The following ZNF662 variants were observed in gnomAD, a reference collection of about 807,000 sequenced individuals.
ZNF662 encodes zinc finger protein 662.
ZNF662 carries 14 observed loss-of-function variants against 12.4 expected under a neutral mutation model. That is an observed-to-expected ratio of 1.13 (90% confidence interval 0.75 to 1.77). The LOEUF (loss-of-function observed/expected upper bound fraction) is 1.77, where lower values mean the gene tolerates loss of function less well. Ranked by LOEUF, ZNF662 falls within the 40% of genes most tolerant of loss-of-function variation. The pLI, the probability that ZNF662 is intolerant of heterozygous loss-of-function variation, is 0.00. For missense variants in ZNF662, 550 were observed against 515.6 expected, an observed-to-expected ratio of 1.07 and a Z score of -0.65; for synonymous variants, 184 against 176.4, an observed-to-expected ratio of 1.04 and a Z score of -0.34.
At position 42,906,715 on chromosome 3, in the gene ZNF662, C is replaced by G. The variant is rs1448451295; in HGVS notation, c.-94+547C>G. Among the ~76,000 whole-genome samples, 1 of 152,162 alleles carries G rather than the reference C, an allele frequency of 6.6e-6. No individual in the cohort carries two copies. The highest frequency in any genetic ancestry group is 1.5e-5 in the Non-Finnish European group (1 of 68,044). ...GAATTTCAGAGCTGCCTTTACAGAG[C>G]TGGTTATGTTTGAGCTGGGTATTAG... On this transcript the variant is annotated intron_variant, in intron 1 of 4. Coordinates refer to ENST00000440367, the MANE Select transcript of ZNF662 (RefSeq NM_207404.4). This position sits in a 1 kb window ranked among gnomAD's most constrained non-coding sequence, Gnocchi z 4.4.
Position 42,910,623 on chromosome 3 carries a change from C to T in ZNF662, c.151+1714C>T, listed in dbSNP as rs555890041. ...AAACCAAGAACTCTCAACCCTCAGC[C>T]AGATAGTTCCTATTCCTCAGGGGAA... On this transcript the variant is annotated intron_variant, in intron 3 of 4. Coordinates refer to ENST00000440367, the MANE Select transcript of ZNF662 (RefSeq NM_207404.4). Among the ~76,000 whole-genome samples the T allele has an allele frequency of 3.0e-4, 46 of 152,274 alleles. No individual in the cohort carries two copies. The South Asian group carries it at 9.1e-3, about 30-fold the overall frequency.
intron 1 of ZNF662, 137 bp from the exon 2 acceptor site, chr3:42,907,885 C>A: frequency 7.2e-7 from 1 of 1,396,994 alleles, no homozygotes. Flanking sequence ...AAATCTTCTG[C>A]TGATAGAGTT....
At position 42,915,697 on chromosome 3, in the gene ZNF662, G is replaced by C; in HGVS notation, c.*343G>C. The C allele has an allele frequency of 4.9e-6, 1 of 202,232 alleles. No individual in the cohort carries two copies. Among genetic ancestry groups the C allele is most frequent in the Non-Finnish European group, 1.0e-5 (1 of 98,794 alleles). 12.5% of individuals were successfully genotyped at this position (202,232 alleles called of 1,614,324 possible). On this transcript the variant is annotated 3_prime_UTR_variant, in exon 5 of 5. Coordinates refer to ENST00000440367, the MANE Select transcript of ZNF662 (RefSeq NM_207404.4). Reference sequence around the variant, plus strand: ...TATAAAACTCATTCAGGGTTGCTCAGTTAGTAAGTTATAGAGTTGAAATTG... The same window carrying C: ...TATAAAACTCATTCAGGGTTGCTCACTTAGTAAGTTATAGAGTTGAAATTG...
rs112299351 is a variant in ZNF662 at position 42,916,127 on chromosome 3, T to G, written c.*773T>G. On this transcript the variant is annotated 3_prime_UTR_variant, in exon 5 of 5. Transcript: ENST00000440367. ...AGTAAATTTCCTTGTCATTCCTATC[T>G]CTTGAGTTCTCCCCAGAGGCAATCA... 30 of 152,258 alleles carry G rather than the reference T, an allele frequency of 2.0e-4. No homozygotes were observed. Among genetic ancestry groups the G allele is most frequent in the African/African-American group, 6.7e-4 (28 of 41,560 alleles). The allele number at this position is 152,258 out of a possible 1,614,324, so 9.4% of individuals were successfully genotyped here. A position where few individuals can be genotyped will look rare whatever the true frequency, so the allele number is the denominator to read the frequency against.
At chr3:42,907,661 A>G in intron 1 of ZNF662, 1 of 982,884 alleles carries the variant, frequency 1.0e-6, no homozygotes, top group African/African-American at 1.7e-5. Context: ...TTAATAAATG[A>G]TAGTTGTTAT....
At chr3:42,909,825 CAGA>C (rs2088752838) in intron 3 of ZNF662, among the ~76,000 whole-genome samples, 2 of 151,678 alleles carry the variant, frequency 1.3e-5, no homozygotes, top group Non-Finnish European at 2.9e-5. Flanking sequence ...CCTCAGTTCC[CAGA>C]CGGGGTCGCG....
rs2088889817 is a variant in ZNF662 at position 42,915,636 on chromosome 3, C to T, written c.*282C>T. The T allele has an allele frequency of 3.3e-6, 1 of 301,814 alleles. No individual in the cohort carries two copies. The highest frequency in any genetic ancestry group is 2.1e-5 in the African/African-American group (1 of 46,670). The allele number at this position is 301,814 out of a possible 1,614,324, so 18.7% of individuals were successfully genotyped here. ...CCTATTAAGGTAGGTGCTCTTCTCC[C>T]CATTTTACAAATGAGAAATCTGAGT... On this transcript the variant is annotated 3_prime_UTR_variant, in exon 5 of 5. Coordinates refer to ENST00000440367, the MANE Select transcript of ZNF662 (RefSeq NM_207404.4).
chr3:42,908,492 A>C (rs2088716235), intron 2 of ZNF662: 1 of 1,234,800 alleles, frequency 8.1e-7, no homozygotes, highest in Non-Finnish European at 1.0e-6. Context: ...CCTCATGAGG[A>C]TGTCTGAACT....
chr3:42,917,087 A>G lies in ZNF662; in HGVS notation c.*1733A>G, dbSNP rs2088902947. On this transcript the variant is annotated 3_prime_UTR_variant, in exon 5 of 5. Coordinates refer to ENST00000440367, the MANE Select transcript of ZNF662 (RefSeq NM_207404.4). ...TTATAGAATTAACTAATTCTACTTG[A>G]AATCAGGAGTTTTATAAAACAACAT... The G allele has an allele frequency of 5.7e-6, 1 of 175,296 alleles. No individual in the cohort carries two copies. The allele number at this position is 175,296 out of a possible 1,614,324, so 10.9% of individuals were successfully genotyped here.
At chr3:42,911,678 A>G (rs2088792867) in intron 3 of ZNF662, among the ~76,000 whole-genome samples, 2 of 152,078 alleles carry the variant, frequency 1.3e-5, no homozygotes, top group Non-Finnish European at 2.9e-5. Flanking sequence ...TCTGTTTCTT[A>G]GGAGGTTTTG....
intron 3 of ZNF662, among the ~76,000 whole-genome samples, chr3:42,912,671 T>TCATATATATAAATATATATATATTTA (rs1553609512): frequency 4.3e-5 from 2 of 46,078 alleles, no homozygotes; most frequent in Non-Finnish European, 3.5e-5. Context: ...TATATATTTT[T>TCATATATATAAATATATATATATTTA]TATATATATA....
rs1352362292 is a variant in ZNF662, at chr3:42,917,843, A to G, written c.*2489A>G. The stretch of plus-strand genomic sequence containing the variant: ...TGGCTTTTGCTGGGTGCAGTGGCTT[A>G]CGCCTGTAATCCCATCACTTTGGGA... On this transcript the variant is annotated 3_prime_UTR_variant, in exon 5 of 5. Coordinates refer to ENST00000440367, the MANE Select transcript of ZNF662 (RefSeq NM_207404.4). Among the ~76,000 whole-genome samples the G allele has an allele frequency of 6.6e-6, 1 of 152,234 alleles. No homozygotes were observed. Among genetic ancestry groups the G allele is most frequent in the Non-Finnish European group, 1.5e-5 (1 of 68,044 alleles).
chr3:42,908,651 C>A, intron 2 of ZNF662, 142 bp from the exon 3 acceptor site: 1 of 1,472,838 alleles, frequency 6.8e-7, no homozygotes, highest in Non-Finnish European at 9.0e-7. Context: ...CTTGTCCTTT[C>A]CCCTGGAATT....
chr3:42,907,838 A>T, intron 1 of ZNF662, 184 bp from the exon 2 acceptor site: 12 of 985,414 alleles, frequency 1.2e-5, no homozygotes, highest in Non-Finnish European at 1.4e-5. Flanking sequence ...GAGAAAATTG[A>T]TGGCTGATGC....
Position 42,906,558 on chromosome 3 carries a change from A to C in ZNF662, c.-94+390A>C. On this transcript the variant is annotated intron_variant, in intron 1 of 4. Coordinates refer to ENST00000440367, the MANE Select transcript of ZNF662 (RefSeq NM_207404.4). This position sits in a 1 kb window ranked among gnomAD's most constrained non-coding sequence, Gnocchi z 4.4. ...GTACAACCCAGAGTGAGGGGCCTCG[A>C]GGGACAGGCAGCACAGCGGAGTCGA... is the stretch of plus-strand genomic sequence containing the variant. The C allele has an allele frequency of 1.1e-6, 1 of 885,948 alleles. No homozygotes were observed. The highest frequency in any genetic ancestry group is 1.6e-6 in the Non-Finnish European group (1 of 623,734). The allele number at this position is 885,948 out of a possible 1,614,324, so 54.9% of individuals were successfully genotyped here.
Position 42,918,192 on chromosome 3 carries a change from A to G in ZNF662, c.*2838A>G, listed in dbSNP as rs2088913831. 6.6e-6 allele frequency among the ~76,000 whole-genome samples: 1 copy of G among 152,208 alleles called. No individual in the cohort carries two copies. Among genetic ancestry groups the G allele is most frequent in the Non-Finnish European group, 1.5e-5 (1 of 68,040 alleles). ...ACTAAGTGATGCTTTAAGTCATACC[A>G]TTAGTGCAGGAATTTTTGCTCCTTA... On this transcript the variant is annotated 3_prime_UTR_variant, in exon 5 of 5. Transcript: ENST00000440367.
chr3:42,910,252 T>C (rs1019760976), intron 3 of ZNF662, among the ~76,000 whole-genome samples: 1 of 152,014 alleles, frequency 6.6e-6, no homozygotes, highest in Admixed American at 6.6e-5. Context: ...CTCGGCAGGC[T>C]GAGGCAGGAA....
intron 3 of ZNF662, among the ~76,000 whole-genome samples, chr3:42,912,953 G>A (rs1405155148): frequency 6.6e-6 from 1 of 150,976 alleles, no homozygotes; most frequent in Non-Finnish European, 1.5e-5. Flanking sequence ...ATGTTGGCCA[G>A]GCTAGTCTTG....
Position 42,919,087 on chromosome 3 carries a change from T to C in ZNF662, c.*3733T>C, listed in dbSNP as rs2125651830. On this transcript the variant is annotated 3_prime_UTR_variant, in exon 5 of 5. Transcript: ENST00000440367. The stretch of plus-strand genomic sequence containing the variant: ...GGGTAATTGCCCAGAACTAGAATAT[T>C]GATCCAGATTTTTACATTACTCATC... 6.6e-6 allele frequency among the ~76,000 whole-genome samples: 1 copy of C among 152,336 alleles called. No individual in the cohort carries two copies. Among genetic ancestry groups the C allele is most frequent in the Admixed American group, 6.5e-5 (1 of 15,308 alleles).
Sources: gnomAD v4.1 joint callset for allele counts (sites outside exome capture counted in the v4.1 genomes callset) on GRCh38, gnomAD v4.1.1 for gene constraint, Gnocchi (gnomAD v3.1) non-coding constraint, MANE v1.5 for transcripts, NCBI Gene and HGNC (gene_info 2026-07-23, HGNC 2026-07-21) for gene names.